The following TBC1D22B variants were observed in gnomAD, a reference collection of about 807,000 sequenced individuals.
TBC1D22B encodes the protein TBC1 domain family member 22B.
Under a neutral mutation model 69.1 loss-of-function variants are expected in TBC1D22B, and 32 were observed. That is an observed-to-expected ratio of 0.46 (90% CI 0.35 to 0.62). The LOEUF (loss-of-function observed/expected upper bound fraction) is 0.62, where lower values mean the gene tolerates loss of function less well. Among genes scored for constraint, TBC1D22B ranks in the 20% least tolerant of loss-of-function variants. The pLI is 0.00. For synonymous variants in TBC1D22B, 206 were observed against 229.8 expected, an observed-to-expected ratio of 0.90 and a Z score of 0.94; for missense variants, 462 against 630.9, an observed-to-expected ratio of 0.73 and a Z score of 2.87.
At chr6:37,264,432 C>A (rs1037813184) in intron 1 of TBC1D22B, among the ~76,000 whole-genome samples, 1 of 152,126 alleles carries the variant, frequency 6.6e-6, no homozygotes. Flanking sequence ...TGTGCCTCAG[C>A]GTCCTGAGTA....
intron 10 of TBC1D22B, among the ~76,000 whole-genome samples, chr6:37,314,744 C>T (rs953958893): frequency 1.1e-3 from 173 of 152,158 alleles, no homozygotes; most frequent in Non-Finnish European, 3.5e-4. Context: ...TTCTGCTTCA[C>T]CCAAGCAAAG....
chr6:37,292,880 T>C (rs1272491729), intron 8 of TBC1D22B, among the ~76,000 whole-genome samples: 1 of 152,170 alleles, frequency 6.6e-6, no homozygotes, highest in African/African-American at 2.4e-5. Context: ...TATGACTGCT[T>C]TCTGATCTTG....
chr6:37,289,864 A>G (rs948285495), intron 7 of TBC1D22B, among the ~76,000 whole-genome samples: 7 of 152,160 alleles, frequency 4.6e-5, no homozygotes, highest in African/African-American at 1.7e-4. Context: ...CCGAATGCAA[A>G]TGAGGGTGCT....
intron 7 of TBC1D22B, 58 bp from the exon 8 acceptor site, chr6:37,291,185 G>T: frequency 8.2e-7 from 1 of 1,217,466 alleles, no homozygotes. Context: ...GTAAACGGAG[G>T]GAAGGAGTGT....
intron 1 of TBC1D22B, among the ~76,000 whole-genome samples, chr6:37,259,626 A>C (rs973575060): frequency 1.3e-5 from 2 of 152,150 alleles, no homozygotes; most frequent in Admixed American, 1.3e-4. Context: ...TACTTTTCTG[A>C]GATAGGAAGA....
chr6:37,316,575 T>G, intron 10 of TBC1D22B, 128 bp from the exon 11 acceptor site: 1 of 1,000,328 alleles, frequency 1.0e-6, no homozygotes, highest in Non-Finnish European at 1.5e-6. Context: ...CAGATGGCTG[T>G]CTGCCTCCTC....
chr6:37,315,124 G>A (rs544697995), intron 10 of TBC1D22B, among the ~76,000 whole-genome samples: 1 of 152,318 alleles, frequency 6.6e-6, no homozygotes, highest in African/African-American at 2.4e-5. Flanking sequence ...GGCAGATGCT[G>A]TGGTTTCTGC....
intron 8 of TBC1D22B, among the ~76,000 whole-genome samples, chr6:37,304,696 A>AT (rs58267445): frequency 2.7e-5 from 4 of 150,354 alleles, no homozygotes; most frequent in Admixed American, 1.3e-4. Context: ...GGATGGGGGC[A>AT]TTTTTTTTTT....
Position 37,300,006 on chromosome 6 carries a change from C to CA in TBC1D22B, c.982+8668dup, listed in dbSNP as rs764261176. 8.1e-3 allele frequency among the ~76,000 whole-genome samples: 624 copies of CA among 76,692 alleles called. 4 individuals are homozygous for CA. Among genetic ancestry groups the CA allele is most frequent in the African/African-American group, 0.017 (364 of 22,034 alleles). 50.3% of individuals were successfully genotyped at this position (76,692 alleles called of 152,430 possible). ...CCTGGGTGACAGAGTGAGACTCTGT[C>CA]AAAAAAAAAAAAAAAAAAAGATTAC... On this transcript the variant is annotated intron_variant, in intron 8 of 12. Coordinates refer to ENST00000373491, the MANE Select transcript of TBC1D22B (RefSeq NM_017772.4).
chr6:37,273,943 A>G (rs968682276), intron 2 of TBC1D22B, among the ~76,000 whole-genome samples: 8 of 152,226 alleles, frequency 5.3e-5, no homozygotes, highest in African/African-American at 1.4e-4. Flanking sequence ...TGGGTCTTCA[A>G]TCATCTAAAC....
At chr6:37,296,462 C>T (rs1293667352) in intron 8 of TBC1D22B, among the ~76,000 whole-genome samples, 1 of 152,026 alleles carries the variant, frequency 6.6e-6, no homozygotes, top group Non-Finnish European at 1.5e-5. Context: ...GATCCTCTCA[C>T]CTCAGCGTCC....
At chr6:37,261,640 G>A (rs1025810386) in intron 1 of TBC1D22B, among the ~76,000 whole-genome samples, 9 of 152,064 alleles carry the variant, frequency 5.9e-5, no homozygotes, top group African/African-American at 1.9e-4. Flanking sequence ...TGGTTAGGAG[G>A]TACACAATAA....
At chr6:37,311,974 C>T (rs930809407) in intron 8 of TBC1D22B, among the ~76,000 whole-genome samples, 16 of 152,220 alleles carry the variant, frequency 1.1e-4, no homozygotes, top group African/African-American at 3.1e-4. Flanking sequence ...ATCACATAGC[C>T]TTTTCCTTCT....
Position 37,312,851 on chromosome 6 carries a change from C to T in TBC1D22B, c.983-67C>T, listed in dbSNP as rs552235063. The T allele has an allele frequency of 7.3e-5, 100 of 1,367,842 alleles. No homozygotes were observed. In the African/African-American group the frequency reaches 1.1e-3, roughly 16 times the overall value. The allele number at this position is 1,367,842 out of a possible 1,614,324, so 84.7% of individuals were successfully genotyped here. On this transcript the variant is annotated intron_variant, in intron 8 of 12. Transcript: ENST00000373491. The stretch of plus-strand genomic sequence containing the variant: ...CCTTAAAGACCCCATTGAAGACACT[C>T]GAATCTATCTTTCTCTCTCCATTTT...
chr6:37,314,591 T>C (rs907958789), intron 10 of TBC1D22B, among the ~76,000 whole-genome samples: 1 of 152,196 alleles, frequency 6.6e-6, no homozygotes, highest in Non-Finnish European at 1.5e-5. Flanking sequence ...AGCTCTGCTG[T>C]TGACTGATGT....
chr6:37,285,160 T>TCTGCTG (rs61414951), intron 6 of TBC1D22B, among the ~76,000 whole-genome samples: 6 of 151,590 alleles, frequency 4.0e-5, no homozygotes, highest in African/African-American at 1.5e-4. Context: ...TGAAGTAGCC[T>TCTGCTG]CTGCTGCTGC....
At chr6:37,261,833 G>A (rs1423677303) in intron 1 of TBC1D22B, among the ~76,000 whole-genome samples, 4 of 151,544 alleles carry the variant, frequency 2.6e-5, no homozygotes, top group South Asian at 2.1e-4. Flanking sequence ...TCAGGAGTTC[G>A]AGACCAGCCT....
chr6:37,329,527 C>A (rs964526532), intron 12 of TBC1D22B, among the ~76,000 whole-genome samples: 1 of 152,218 alleles, frequency 6.6e-6, no homozygotes, highest in Admixed American at 6.5e-5. Flanking sequence ...GGATGAAAGA[C>A]CATGTGCATT....
At chr6:37,261,669 G>A (rs73419828) in intron 1 of TBC1D22B, among the ~76,000 whole-genome samples, 3,972 of 152,066 alleles carry the variant, frequency 0.026, 166 homozygotes, top group African/African-American at 0.089. Flanking sequence ...ATTATAAGAA[G>A]GATAGTTACG....
Sources: gnomAD v4.1 joint callset for allele counts (sites outside exome capture counted in the v4.1 genomes callset) on GRCh38, gnomAD v4.1.1 for gene constraint, MANE v1.5 for transcripts, NCBI Gene and HGNC (gene_info 2026-07-23, HGNC 2026-07-21) for gene names.